Variants in KAZN observed in about 807,000 individuals in gnomAD.
KAZN encodes kazrin.
Under a neutral mutation model 87.4 loss-of-function variants are expected in KAZN, and 40 were observed. The ratio of observed to expected loss-of-function variants is 0.46; its 90% CI spans 0.36 to 0.60. The LOEUF is 0.60. Among genes scored for constraint, KAZN ranks in the 20% least tolerant of loss-of-function variants. The pLI is 0.00. For missense variants in KAZN, 898 were observed against 1,073.9 expected (o/e 0.84, Z 2.29); for synonymous variants, 466 against 458.3 (o/e 1.02, Z -0.22).
chr1:15,043,344 C>T (rs1319926898), intron 3 of KAZN, among the ~76,000 whole-genome samples: 1 of 152,184 alleles, frequency 6.6e-6, no homozygotes, highest in East Asian at 1.9e-4. Flanking sequence ...AAGTATTTCC[C>T]GCACGTGAAG....
chr1:14,722,132 CAG>C (rs936517691), intron 1 of KAZN, among the ~76,000 whole-genome samples: 4 of 148,478 alleles, frequency 2.7e-5, no homozygotes, highest in African/African-American at 9.9e-5. Flanking sequence ...GCCTAAGCGT[CAG>C]AGTGAGACTC....
intron 2 of KAZN, among the ~76,000 whole-genome samples, chr1:14,372,722 CCT>C (rs1312571632): frequency 1.3e-5 from 2 of 152,246 alleles, no homozygotes; most frequent in South Asian, 2.1e-4. Context: ...TGAGTCGCAC[CCT>C]GTGATTCATT....
chr1:14,667,603 T>G (rs961501779), intron 1 of KAZN, among the ~76,000 whole-genome samples: 103 of 152,168 alleles, frequency 6.8e-4, no homozygotes, highest in Admixed American at 6.7e-3. Flanking sequence ...AACATCTGAC[T>G]TTAACCCCAG....
intron 1 of KAZN, among the ~76,000 whole-genome samples, chr1:14,748,009 C>T (rs928957231): frequency 6.6e-6 from 1 of 152,114 alleles, no homozygotes; most frequent in Non-Finnish European, 1.5e-5. Context: ...TAGTCTTTTC[C>T]CCTTGTGAAT....
At chr1:14,398,940 C>T (rs1663136683) in intron 2 of KAZN, among the ~76,000 whole-genome samples, 1 of 152,118 alleles carries the variant, frequency 6.6e-6, no homozygotes. Context: ...TTGGGGCTGC[C>T]TCAACTGCCA....
intron 1 of KAZN, among the ~76,000 whole-genome samples, chr1:14,664,800 C>A (rs1639417354): frequency 6.6e-6 from 1 of 151,762 alleles, no homozygotes. Flanking sequence ...ACTACAGGTA[C>A]CCACCACCAC....
intron 1 of KAZN, among the ~76,000 whole-genome samples, chr1:14,826,705 A>G (rs1400172993): frequency 6.6e-6 from 1 of 151,480 alleles, no homozygotes; most frequent in Non-Finnish European, 1.5e-5. Context: ...CTCGGTTTTT[A>G]CAGAACCTGG....
At chr1:14,226,693 C>T (rs561298610) in intron 2 of KAZN, among the ~76,000 whole-genome samples, 37 of 152,276 alleles carry the variant, frequency 2.4e-4, no homozygotes, top group African/African-American at 8.7e-4. Context: ...GAACATGGTA[C>T]ATATACACCA....
intron 1 of KAZN, among the ~76,000 whole-genome samples, chr1:14,657,900 T>C (rs1393286072): frequency 6.6e-6 from 1 of 152,160 alleles, no homozygotes; most frequent in East Asian, 1.9e-4. Flanking sequence ...TTTTGTTTTG[T>C]TTTTTTAGTT....
rs761812101 is a variant in KAZN at position 14,295,144 on chromosome 1, G to T, written c.249+114552G>T. Among the ~76,000 whole-genome samples, 3 of 152,226 alleles carry T rather than the reference G, an allele frequency of 2.0e-5. No individual in the cohort carries two copies. In the South Asian group the frequency reaches 6.2e-4, roughly 32 times the overall value. On this transcript the variant is annotated intron_variant, in intron 2 of 16. Coordinates refer to the KAZN transcript ENST00000636203. Reference sequence around the variant, plus strand: ...TGAGAAGGTGGACAAATATGTATCAGATGGCTTTCCTTTGCTCTCAAGCCA... The same window carrying T: ...TGAGAAGGTGGACAAATATGTATCATATGGCTTTCCTTTGCTCTCAAGCCA...
rs187880465 is a variant in KAZN, at chr1:14,394,422, T to C, written c.250-204561T>C. 8.5e-5 allele frequency among the ~76,000 whole-genome samples: 13 copies of C among 152,356 alleles called. No homozygotes were observed. In the East Asian group the frequency reaches 2.5e-3, roughly 29 times the overall value. On this transcript the variant is annotated intron_variant, in intron 2 of 16. Transcript: ENST00000636203. Reference sequence around the variant, plus strand: ...GGGGTAGAAAGAGTCACCTACCCAGTGATTGAAGGAAACAACTGAAAAGCT... The same window carrying C: ...GGGGTAGAAAGAGTCACCTACCCAGCGATTGAAGGAAACAACTGAAAAGCT...
rs1452291383 is a variant in KAZN at position 14,735,421 on chromosome 1, T to C, written c.226+136198T>C. Among the ~76,000 whole-genome samples, 1 of 152,194 alleles carries C rather than the reference T, an allele frequency of 6.6e-6. No individual in the cohort carries two copies. Among genetic ancestry groups the C allele is most frequent in the Admixed American group, 6.5e-5 (1 of 15,282 alleles). ...GGGAACACAAAAGAGGTATAGGATCTCCTTCTTCTTCCAGGCAGCCCTGCC... is the reference window on the plus strand; with the variant it reads ...GGGAACACAAAAGAGGTATAGGATCCCCTTCTTCTTCCAGGCAGCCCTGCC... On this transcript the variant is annotated intron_variant, in intron 1 of 14. Coordinates refer to ENST00000376030, the MANE Select transcript of KAZN (RefSeq NM_201628.3). This position sits in a 1 kb window ranked among gnomAD's most constrained non-coding sequence, Gnocchi z 4.3.
intron 1 of KAZN, among the ~76,000 whole-genome samples, chr1:13,977,842 T>C (rs1638439008): frequency 6.6e-6 from 1 of 152,134 alleles, no homozygotes; most frequent in African/African-American, 2.4e-5. Flanking sequence ...TGTCGGATTC[T>C]CTAGACTGGG....
intron 1 of KAZN, among the ~76,000 whole-genome samples, chr1:14,132,866 G>T (rs1053300650): frequency 1.3e-5 from 2 of 152,080 alleles, no homozygotes; most frequent in Non-Finnish European, 2.9e-5. Flanking sequence ...AGGACTTTTC[G>T]TGGTGGTCCT....
rs969201400 is a variant in KAZN at position 14,091,760 on chromosome 1, T to C, written c.92-88675T>C. The stretch of plus-strand genomic sequence containing the variant: ...ACATGGTCATGTATAGCGTGCAAAT[T>C]AAGAGGTATAAAATAATTCCAAAGT... On this transcript the variant is annotated intron_variant, in intron 1 of 16. Coordinates refer to the KAZN transcript ENST00000636203. Among the ~76,000 whole-genome samples, 7 of 152,242 alleles carry C rather than the reference T, an allele frequency of 4.6e-5. 1 individual carries two copies. The highest frequency in any genetic ancestry group is 1.7e-4 in the African/African-American group (7 of 41,548).
In KAZN at chr1:15,055,246, G is replaced by A. The variant is rs182035100; in HGVS notation, c.727-845G>A. 2.8e-4 allele frequency among the ~76,000 whole-genome samples: 43 copies of A among 152,354 alleles called. 1 individual carries two copies. In the East Asian group the frequency reaches 7.7e-3, roughly 27 times the overall value. On this transcript the variant is annotated intron_variant, in intron 4 of 14. Coordinates refer to ENST00000376030, the MANE Select transcript of KAZN (RefSeq NM_201628.3). Reference sequence around the variant, plus strand: ...ATTCCCAGCACTTTGGGAGGCCGAGGCAGGTGGATCACTTGAGGTCAGGAG... The same window carrying A: ...ATTCCCAGCACTTTGGGAGGCCGAGACAGGTGGATCACTTGAGGTCAGGAG...
intron 1 of KAZN, among the ~76,000 whole-genome samples, chr1:14,139,476 GA>G (rs1645184560): frequency 6.6e-6 from 1 of 152,178 alleles, no homozygotes; most frequent in African/African-American, 2.4e-5. Context: ...CCTCTTTCCT[GA>G]ACACTTTGCT....
chr1:14,852,631 A>G (rs1353310834), intron 1 of KAZN, among the ~76,000 whole-genome samples: 1 of 152,266 alleles, frequency 6.6e-6, no homozygotes, highest in South Asian at 2.1e-4. Context: ...TCTCGCAGGT[A>G]CACTTGCCCA....
intron 2 of KAZN, among the ~76,000 whole-genome samples, chr1:14,232,789 G>A (rs747874026): frequency 4.0e-5 from 6 of 151,840 alleles, no homozygotes; most frequent in East Asian, 1.9e-4. Context: ...ATAAAACAAC[G>A]GGCATTTTAA....
Sources: allele counts gnomAD v4.1 joint callset (sites outside exome capture counted in the v4.1 genomes callset), GRCh38; gene constraint gnomAD v4.1.1; non-coding constraint Gnocchi (gnomAD v3.1); transcripts MANE v1.5; gene names NCBI Gene and HGNC (gene_info 2026-07-23, HGNC 2026-07-21).